ZFHX3: variants seen among roughly 807,000 people sequenced by gnomAD.
ZFHX3 encodes zinc finger homeobox protein 3.
In ZFHX3, 42 loss-of-function variants were observed where a neutral mutation model predicts 279.1. The observed-to-expected ratio is 0.15, with a 90% CI of 0.12 to 0.19. ZFHX3 has a LOEUF of 0.19. Among genes scored for constraint, ZFHX3 ranks in the 10% least tolerant of loss-of-function variants. The pLI is 1.00. For synonymous variants in ZFHX3, 2,293 were observed against 1,957.8 expected (o/e 1.17, Z -4.52); for missense variants, 4,981 against 4,754.0 (o/e 1.05, Z -1.40).
At chr16:73,027,044 CACAA>C (rs74680312) in intron 1 of ZFHX3, among the ~76,000 whole-genome samples, 232 of 152,382 alleles carry the variant, frequency 1.5e-3, no homozygotes, top group Admixed American at 5.2e-3. Flanking sequence ...ACAGACAAAA[CACAA>C]ACAAGCAAGT....
Position 72,958,757 on chromosome 16 carries a change from C to G in ZFHX3, c.1389G>C (p.Ala463=). 6.2e-7 allele frequency: 1 copy of G among 1,614,026 alleles called. No homozygotes were observed. The highest frequency in any genetic ancestry group is 2.2e-5 in the East Asian group (1 of 44,862). The part of the protein sequence containing the change: ...SEKVEPAEEE[A]EEEEEEEEAE... The stretch of plus-strand genomic sequence containing the variant: ...CCTCTTCCTCCTCCTCTTCCTCCTC[C>G]GCCTCCTCTTCGGCTGGCTCTACCT... The change falls in exon 2 of 10, where the codon GCG becomes GCC. Residue 463 remains alanine (A), a synonymous_variant. Transcript: ENST00000268489.
chr16:73,879,758 C>G (rs778143539), intron 1 of ZFHX3, among the ~76,000 whole-genome samples: 9 of 151,934 alleles, frequency 5.9e-5, no homozygotes, highest in Non-Finnish European at 1.2e-4. Flanking sequence ...ACATTTGGGG[C>G]CAGATAATTA....
At chr16:73,397,671 G>A (rs1464700015) in intron 3 of ZFHX3, among the ~76,000 whole-genome samples, 3 of 152,114 alleles carry the variant, frequency 2.0e-5, no homozygotes, top group Admixed American at 6.6e-5. Flanking sequence ...GGAAAGGGCT[G>A]GATTCAGGGA....
At chr16:73,363,248 C>T (rs1366737292) in intron 3 of ZFHX3, among the ~76,000 whole-genome samples, 2 of 152,264 alleles carry the variant, frequency 1.3e-5, no homozygotes, top group Non-Finnish European at 1.5e-5. Flanking sequence ...CCGGATCAAA[C>T]TGCTGACCCA....
At chr16:73,256,923 T>C (rs1267746016) in intron 5 of ZFHX3, 1 of 152,100 alleles carries the variant, frequency 6.6e-6, no homozygotes, top group Non-Finnish European at 1.5e-5. Flanking sequence ...AATGATACTA[T>C]CTAAATTATA....
At chr16:73,864,284 A>C (rs778267077) in intron 1 of ZFHX3, among the ~76,000 whole-genome samples, 24 of 152,198 alleles carry the variant, frequency 1.6e-4, no homozygotes, top group Non-Finnish European at 3.4e-4. Context: ...ACGTTAATAT[A>C]CTTGCCCTCA....
At chr16:73,669,374 T>C (rs1384497049) in intron 2 of ZFHX3, among the ~76,000 whole-genome samples, 2 of 152,170 alleles carry the variant, frequency 1.3e-5, no homozygotes, top group East Asian at 1.9e-4. Flanking sequence ...TTTTCTAATG[T>C]GGATCTGGTT....
At chr16:73,484,836 C>T (rs947399933) in intron 2 of ZFHX3, among the ~76,000 whole-genome samples, 1 of 152,078 alleles carries the variant, frequency 6.6e-6, no homozygotes, top group East Asian at 1.9e-4. Flanking sequence ...ATGCATGGTT[C>T]GCATTTTATT....
chr16:73,717,256 T>C (rs1422000068), intron 1 of ZFHX3, among the ~76,000 whole-genome samples: 1 of 152,192 alleles, frequency 6.6e-6, no homozygotes, highest in African/African-American at 2.4e-5. Flanking sequence ...TTTGTTTGCT[T>C]ATTTATTTAC....
At chr16:73,316,433 T>A (rs529486278) in intron 4 of ZFHX3, among the ~76,000 whole-genome samples, 4 of 152,124 alleles carry the variant, frequency 2.6e-5, no homozygotes, top group Non-Finnish European at 5.9e-5. Flanking sequence ...TCATCACCTA[T>A]GCTGGGCCTT....
intron 3 of ZFHX3, among the ~76,000 whole-genome samples, chr16:73,369,229 A>G (rs1161272238): frequency 6.6e-6 from 1 of 152,132 alleles, no homozygotes; most frequent in East Asian, 1.9e-4. Flanking sequence ...GCCAGCATGG[A>G]TTTAGTAGGG....
At chr16:73,750,676 G>A (rs1218416930) in intron 1 of ZFHX3, among the ~76,000 whole-genome samples, 2 of 152,180 alleles carry the variant, frequency 1.3e-5, no homozygotes, top group African/African-American at 2.4e-5. Flanking sequence ...GAGCACTGCA[G>A]CTCAGCAATT....
At chr16:72,821,608 G>A (rs1182626775) in intron 5 of ZFHX3, among the ~76,000 whole-genome samples, 1 of 152,202 alleles carries the variant, frequency 6.6e-6, no homozygotes, top group Admixed American at 6.5e-5. Flanking sequence ...GCATCATTCA[G>A]CCCCCCTTGC....
At chr16:73,682,991 A>T (rs56100518) in intron 1 of ZFHX3, among the ~76,000 whole-genome samples, 1 of 42,378 alleles carries the variant, frequency 2.4e-5, no homozygotes, top group African/African-American at 7.6e-5. Context: ...AGAAAGAAAG[A>T]AAAGAAAGAA....
At chr16:73,395,694 A>G (rs569362537) in intron 3 of ZFHX3, among the ~76,000 whole-genome samples, 140 of 152,090 alleles carry the variant, frequency 9.2e-4, no homozygotes, top group African/African-American at 2.8e-3. Flanking sequence ...AAAGACACCA[A>G]TTGTTTTTCT....
intron 2 of ZFHX3, among the ~76,000 whole-genome samples, chr16:73,645,310 CA>C (rs2052608442): frequency 6.6e-6 from 1 of 152,116 alleles, no homozygotes; most frequent in South Asian, 2.1e-4. Flanking sequence ...GGCTGGAGTG[CA>C]AGTGGCATGA....
intron 3 of ZFHX3, among the ~76,000 whole-genome samples, chr16:72,930,657 A>G (rs781664283): frequency 4.6e-5 from 7 of 152,258 alleles, no homozygotes; most frequent in Non-Finnish European, 7.3e-5. Flanking sequence ...TCTTTCAGCC[A>G]CTGCCAATAG....
intron 7 of ZFHX3, among the ~76,000 whole-genome samples, chr16:72,803,811 G>A (rs1464227250): frequency 6.6e-6 from 1 of 152,174 alleles, no homozygotes; most frequent in African/African-American, 2.4e-5. Context: ...AGTTTTTCTG[G>A]TTAAGAAAAT....
At chr16:73,039,090 A>G (rs1965015931) in intron 1 of ZFHX3, among the ~76,000 whole-genome samples, 2 of 150,878 alleles carry the variant, frequency 1.3e-5, no homozygotes, top group Admixed American at 1.3e-4. Context: ...CTGGGACTAC[A>G]GGCACATGCC....
Sources: gnomAD v4.1 joint callset for allele counts (sites outside exome capture counted in the v4.1 genomes callset) on GRCh38, gnomAD v4.1.1 for gene constraint, MANE v1.5 for transcripts, NCBI Gene and HGNC (gene_info 2026-07-23, HGNC 2026-07-21) for gene names.